Variants in NFIB observed in about 807,000 individuals in gnomAD.
NFIB encodes nuclear factor 1 B-type.
In NFIB, 11 loss-of-function variants were observed where a neutral mutation model predicts 61.5. The ratio of observed to expected loss-of-function variants is 0.18; its 90% CI spans 0.11 to 0.30. NFIB has a LOEUF of 0.30. Among genes scored for constraint, NFIB ranks in the 10% least tolerant of loss-of-function variants. NFIB has a pLI of 1.00. For synonymous variants in NFIB, 260 were observed against 216.5 expected, an observed-to-expected ratio of 1.20 and a Z score of -1.76; for missense variants, 471 against 608.9, an observed-to-expected ratio of 0.77 and a Z score of 2.38.
chr9:14,121,457 C>T (rs953708203), intron 7 of NFIB, among the ~76,000 whole-genome samples: 5 of 152,184 alleles, frequency 3.3e-5, no homozygotes, highest in African/African-American at 9.6e-5. Context: ...TACATCCTAC[C>T]TGGCAATTGT....
chr9:14,480,522 A>T, the NFIB span, among the ~76,000 whole-genome samples: 1 of 152,196 alleles, frequency 6.6e-6, no homozygotes, highest in African/African-American at 2.4e-5. Flanking sequence ...TACACTCATC[A>T]TAGCCTTCCT....
At position 14,085,975 on chromosome 9, in the gene NFIB, A is replaced by G. The variant is rs2032809598; in HGVS notation, c.*2334T>C. On this transcript the variant is annotated 3_prime_UTR_variant, in exon 11 of 11. Transcript: ENST00000380953. ...TCTCCACTGTGGATCTGGAACTTTCAAGAAAAACTATCACCAAGCCAAGTC... is the reference window on the plus strand; with the variant it reads ...TCTCCACTGTGGATCTGGAACTTTCGAGAAAAACTATCACCAAGCCAAGTC... 2 of 229,428 alleles carry G rather than the reference A, an allele frequency of 8.7e-6. No individual in the cohort carries two copies. The highest frequency in any genetic ancestry group is 1.7e-5 in the Non-Finnish European group (2 of 115,566). 14.2% of individuals were successfully genotyped at this position (229,428 alleles called of 1,614,324 possible). A position where few individuals can be genotyped will look rare whatever the true frequency, so the allele number is the denominator to read the frequency against.
intron 3 of NFIB, among the ~76,000 whole-genome samples, chr9:14,177,085 T>A (rs746864897): frequency 6.6e-6 from 1 of 152,202 alleles, no homozygotes; most frequent in Admixed American, 6.5e-5. Flanking sequence ...GTATTTGGTA[T>A]AACAATTCAA....
At chr9:14,376,697 G>C (rs1050326012) in intron 1 of NFIB, among the ~76,000 whole-genome samples, 1 of 151,772 alleles carries the variant, frequency 6.6e-6, no homozygotes, top group East Asian at 1.9e-4. Flanking sequence ...TTATATTTTT[G>C]GGTAGAGACA....
chr9:14,529,108 G>A, the NFIB span, among the ~76,000 whole-genome samples: 141 of 152,190 alleles, frequency 9.3e-4, no homozygotes, highest in African/African-American at 3.2e-3. Flanking sequence ...TTTACTCTTC[G>A]TGTACTTGTT....
intron 1 of NFIB, among the ~76,000 whole-genome samples, chr9:14,363,464 T>A (rs752688242): frequency 1.3e-5 from 2 of 152,144 alleles, no homozygotes; most frequent in South Asian, 2.1e-4. Flanking sequence ...TCAACCAAGT[T>A]TTTGTTTTAC....
chr9:14,288,394 T>A (rs1271414231), intron 2 of NFIB, among the ~76,000 whole-genome samples: 4 of 152,126 alleles, frequency 2.6e-5, no homozygotes. Flanking sequence ...TATTTTGGCA[T>A]CTGTGTTAAA....
At chr9:14,172,351 G>C (rs1382471678) in intron 3 of NFIB, among the ~76,000 whole-genome samples, 1 of 152,138 alleles carries the variant, frequency 6.6e-6, no homozygotes, top group Non-Finnish European at 1.5e-5. Flanking sequence ...GGCAGAGTAA[G>C]AGGGCTAGGA....
At chr9:14,332,059 G>A (rs2060826934) in intron 1 of NFIB, among the ~76,000 whole-genome samples, 1 of 152,064 alleles carries the variant, frequency 6.6e-6, no homozygotes, top group Non-Finnish European at 1.5e-5. Flanking sequence ...GAAGCCAGGT[G>A]GGGTGGCTCA....
chr9:14,125,753 C>A lies in NFIB; in HGVS notation c.939G>T (p.Pro313=), dbSNP rs143733798. ...GCTTTTCAGGCTTCTTCATAGTAGT[C>A]GGAGAAGACATATCTGCGAGAAACA... ...WHERDQDMSS[P]TTMKKPEKPL... Residue 313 remains proline (P), a synonymous_variant, in exon 7 of 11, where the codon CCG becomes CCT. Coordinates refer to ENST00000380953, the MANE Select transcript of NFIB (RefSeq NM_001190737.2). 1.2e-6 allele frequency: 2 copies of A among 1,613,964 alleles called. No individual in the cohort carries two copies. The highest frequency in any genetic ancestry group is 3.3e-5 in the Admixed American group (2 of 60,002).
chr9:14,144,350 T>C (rs999228756), intron 6 of NFIB, among the ~76,000 whole-genome samples: 1 of 152,178 alleles, frequency 6.6e-6, no homozygotes, highest in East Asian at 1.9e-4. Context: ...ACCATTAAAA[T>C]CTTCTCCAGA....
intron 3 of NFIB, among the ~76,000 whole-genome samples, chr9:14,169,399 T>C (rs1378664669): frequency 6.6e-6 from 1 of 152,160 alleles, no homozygotes; most frequent in African/African-American, 2.4e-5. Flanking sequence ...GTATGAAAGA[T>C]GCCAAGGTCC....
chr9:14,470,284 T>TTG, the NFIB span, among the ~76,000 whole-genome samples: 1 of 152,134 alleles, frequency 6.6e-6, no homozygotes. Flanking sequence ...CATTTTCTCC[T>TTG]CTCTTTACTC....
chr9:14,423,981 C>T, the NFIB span, among the ~76,000 whole-genome samples: 1 of 151,924 alleles, frequency 6.6e-6, no homozygotes, highest in Non-Finnish European at 1.5e-5. Flanking sequence ...CCCAGAGAAG[C>T]TCGGGAATTT....
intron 2 of NFIB, among the ~76,000 whole-genome samples, chr9:14,231,045 T>G (rs1425964609): frequency 6.7e-6 from 1 of 149,048 alleles, no homozygotes; most frequent in Non-Finnish European, 1.5e-5. Flanking sequence ...GCTGCCACTC[T>G]GTCACTAGAA....
At chr9:14,525,968 C>A in the NFIB span, among the ~76,000 whole-genome samples, 2 of 152,112 alleles carry the variant, frequency 1.3e-5, no homozygotes, top group African/African-American at 4.8e-5. Flanking sequence ...ACAAAGCATT[C>A]ACCAGGTGCC....
chr9:14,373,515 GT>G (rs202190638), intron 1 of NFIB, among the ~76,000 whole-genome samples: 33 of 151,270 alleles, frequency 2.2e-4, no homozygotes, highest in Non-Finnish European at 4.1e-4. Context: ...TCATTGCCAG[GT>G]TTTTTTTTAA....
chr9:14,365,845 A>G (rs776652144), intron 1 of NFIB, among the ~76,000 whole-genome samples: 1 of 152,172 alleles, frequency 6.6e-6, no homozygotes, highest in Non-Finnish European at 1.5e-5. Context: ...ACGTGAGACC[A>G]AAAACTATGG....
At chr9:14,384,602 C>T (rs879421583) in intron 1 of NFIB, among the ~76,000 whole-genome samples, 2 of 152,140 alleles carry the variant, frequency 1.3e-5, no homozygotes, top group East Asian at 1.9e-4. Context: ...CAAATGACTA[C>T]GTTGAAGGTT....
Sources: allele counts gnomAD v4.1 joint callset (sites outside exome capture counted in the v4.1 genomes callset), GRCh38; gene constraint gnomAD v4.1.1; transcripts MANE v1.5; gene names NCBI Gene and HGNC (gene_info 2026-07-23, HGNC 2026-07-21).